The following STXBP4 variants were observed in gnomAD, a reference collection of about 807,000 sequenced individuals.
The protein encoded by STXBP4 is syntaxin-binding protein 4.
A neutral mutation model predicts 76.1 loss-of-function variants in STXBP4; 55 were observed. That is an observed-to-expected ratio of 0.72 (90% CI 0.58 to 0.91). The LOEUF (loss-of-function observed/expected upper bound fraction) is 0.91. STXBP4 is among the 40% of genes least tolerant of loss of function. The probability of loss-of-function intolerance (pLI) is 0.00; values close to 1 mark genes in which losing one functional copy is unlikely to be tolerated. For synonymous variants in STXBP4, 201 were observed against 220.2 expected (o/e 0.91, Z 0.77); for missense variants, 618 against 636.9 (o/e 0.97, Z 0.32).
intron 3 of STXBP4, among the ~76,000 whole-genome samples, chr17:54,986,515 A>G (rs923772437): frequency 6.6e-6 from 1 of 152,144 alleles, no homozygotes; most frequent in Non-Finnish European, 1.5e-5. Context: ...GCTGCTCGGG[A>G]GACTAGGACA....
rs773540445 is a variant in STXBP4 at position 54,990,967 on chromosome 17, T to C, written c.180+10T>C. On this transcript the variant is annotated intron_variant, in intron 4 of 17. Coordinates refer to ENST00000376352, the MANE Select transcript of STXBP4 (RefSeq NM_178509.6). Reference sequence around the variant, plus strand: ...AGGAGACTGTTATAAGGTAAAAATATGTCCCATGCCCACCAAAAATACAAA... The same window carrying C: ...AGGAGACTGTTATAAGGTAAAAATACGTCCCATGCCCACCAAAAATACAAA... 1 of 1,528,734 alleles carries C rather than the reference T, an allele frequency of 6.5e-7. No homozygotes were observed. Among genetic ancestry groups the C allele is most frequent in the South Asian group, 1.3e-5 (1 of 75,260 alleles). The allele number at this position is 1,528,734 out of a possible 1,614,324, so 94.7% of individuals were successfully genotyped here.
intron 17 of STXBP4, among the ~76,000 whole-genome samples, chr17:55,154,177 T>C (rs930007074): frequency 3.9e-5 from 6 of 152,164 alleles, no homozygotes; most frequent in Non-Finnish European, 5.9e-5. Context: ...CTCAGAGTCC[T>C]CTACATTCGG....
chr17:55,137,961 CTAAT>C (rs914711569), intron 16 of STXBP4, among the ~76,000 whole-genome samples: 7 of 152,044 alleles, frequency 4.6e-5, no homozygotes, highest in African/African-American at 1.4e-4. Flanking sequence ...TTTTATTTCT[CTAAT>C]TAAGCATGAA....
chr17:55,149,461 G>A (rs1420837619), intron 17 of STXBP4, among the ~76,000 whole-genome samples: 1 of 152,112 alleles, frequency 6.6e-6, no homozygotes. Flanking sequence ...CAAAAACAAG[G>A]ATAATAATTT....
At chr17:55,074,374 C>T (rs181798076) in intron 13 of STXBP4, among the ~76,000 whole-genome samples, 9 of 152,228 alleles carry the variant, frequency 5.9e-5, no homozygotes, top group Admixed American at 5.9e-4. Flanking sequence ...ATATAGTTTA[C>T]AAATCAGCAA....
At chr17:55,018,643 G>C (rs1355699801) in intron 8 of STXBP4, among the ~76,000 whole-genome samples, 1 of 152,226 alleles carries the variant, frequency 6.6e-6, no homozygotes, top group Non-Finnish European at 1.5e-5. Flanking sequence ...TCAGCAAAGG[G>C]TGGTGGGATT....
chr17:54,995,126 A>G (rs1351370985), intron 4 of STXBP4, among the ~76,000 whole-genome samples: 2 of 152,206 alleles, frequency 1.3e-5, no homozygotes, highest in Non-Finnish European at 1.5e-5. Flanking sequence ...TAATATTGTT[A>G]GTCCCCACTG....
At chr17:55,144,047 A>C (rs1286578060) in intron 17 of STXBP4, among the ~76,000 whole-genome samples, 1 of 144,322 alleles carries the variant, frequency 6.9e-6, no homozygotes, top group African/African-American at 2.5e-5. Flanking sequence ...ACACACACAC[A>C]CACGCCTCAC....
chr17:55,026,741 G>A (rs1415782531), intron 8 of STXBP4, among the ~76,000 whole-genome samples: 2 of 152,202 alleles, frequency 1.3e-5, no homozygotes, highest in East Asian at 1.9e-4. Flanking sequence ...CTTTGTGGAA[G>A]TTGGCCAACT....
rs530588328 is a variant in STXBP4, at chr17:55,167,013, G to T, written c.*7102G>T. ...AAATGGGAAAACAGAATACTGGCCAGGATGGTCTGTTGTTTCTTATCTGTT... is the reference window on the plus strand; with the variant it reads ...AAATGGGAAAACAGAATACTGGCCATGATGGTCTGTTGTTTCTTATCTGTT... On this transcript the variant is annotated 3_prime_UTR_variant, in exon 18 of 18. Transcript: ENST00000376352. 2.6e-5 allele frequency: 4 copies of T among 152,314 alleles called. No individual in the cohort carries two copies. In the South Asian group the frequency reaches 6.2e-4, roughly 24 times the overall value. 9.4% of individuals were successfully genotyped at this position (152,314 alleles called of 1,614,324 possible).
At chr17:54,970,516 A>G (rs1020983422) in intron 1 of STXBP4, among the ~76,000 whole-genome samples, 9 of 152,350 alleles carry the variant, frequency 5.9e-5, no homozygotes, top group East Asian at 1.9e-4. Flanking sequence ...TACTGTCTCA[A>G]AAATTTCAGG....
intron 16 of STXBP4, among the ~76,000 whole-genome samples, chr17:55,118,861 CAATAAATTATAAA>C (rs2079812106): frequency 6.6e-6 from 1 of 151,140 alleles, no homozygotes; most frequent in Admixed American, 6.6e-5. Context: ...AAAATTTTCT[CAATAAATTATAAA>C]AGACTCCATC....
chr17:55,142,336 T>C (rs1962874342), intron 17 of STXBP4, among the ~76,000 whole-genome samples: 1 of 152,200 alleles, frequency 6.6e-6, no homozygotes. Context: ...GTGTATCCTT[T>C]TAGCAAAGTA....
chr17:55,007,337 T>G (rs375176323), intron 7 of STXBP4, among the ~76,000 whole-genome samples, 169 bp from the exon 8 acceptor site: 4 of 87,926 alleles, frequency 4.5e-5, no homozygotes, highest in Non-Finnish European at 7.9e-5. Flanking sequence ...CTGTCCCCCC[T>G]CCAAAAAAAA....
chr17:55,055,189 C>T (rs958163920), intron 12 of STXBP4, among the ~76,000 whole-genome samples: 1 of 152,026 alleles, frequency 6.6e-6, no homozygotes, highest in South Asian at 2.1e-4. Context: ...AAGGGAAACA[C>T]GGAAAGATGA....
rs751417631 is a variant in STXBP4 at position 54,999,776 on chromosome 17, T to A, written c.432T>A (p.Pro144=). The change falls in exon 6 of 18, where the codon CCT becomes CCA. Residue 144 remains proline (P), a synonymous_variant. Transcript: ENST00000376352. ...CATTAAGTCTTTTTTCTTCTCCTCC[T>A]GAAATACTAATCCCAAAGACCTCAT... ...ASTLSLFSSP[P]EILIPKTSST... 1 of 1,613,588 alleles carries A rather than the reference T, an allele frequency of 6.2e-7. No individual in the cohort carries two copies.
chr17:54,997,543 A>ATATATAATATAAATATATATAT (rs1328044546), intron 4 of STXBP4, among the ~76,000 whole-genome samples: 3,326 of 145,362 alleles, frequency 0.023, 149 homozygotes, highest in East Asian at 0.2. Flanking sequence ...TAACATAAAT[A>ATATATAATATAAATATATATAT]TATATAATAT....
intron 8 of STXBP4, among the ~76,000 whole-genome samples, chr17:55,014,775 C>G (rs2078175316): frequency 6.6e-6 from 1 of 152,170 alleles, no homozygotes; most frequent in African/African-American, 2.4e-5. Context: ...CAGCTTATTT[C>G]TACTTGGACA....
intron 16 of STXBP4, among the ~76,000 whole-genome samples, chr17:55,112,857 G>T (rs1421907296): frequency 6.6e-6 from 1 of 152,048 alleles, no homozygotes; most frequent in Non-Finnish European, 1.5e-5. Flanking sequence ...GTAGATGACT[G>T]GGAAGAGAGG....
Sources: gnomAD v4.1 joint callset for allele counts (sites outside exome capture counted in the v4.1 genomes callset) on GRCh38, gnomAD v4.1.1 for gene constraint, MANE v1.5 for transcripts, NCBI Gene and HGNC (gene_info 2026-07-23, HGNC 2026-07-21) for gene names.